CGNL1: variants seen among roughly 807,000 people sequenced by gnomAD.
CGNL1 encodes the protein cingulin-like protein 1.
CGNL1 carries 132 observed loss-of-function variants against 141.2 expected under a neutral mutation model. That is an observed-to-expected ratio of 0.93 (90% CI 0.81 to 1.08). CGNL1 has a LOEUF of 1.08. CGNL1 is among the 50% of genes least tolerant of loss of function. The probability of loss-of-function intolerance (pLI) is 0.00; values close to 1 mark genes in which losing one functional copy is unlikely to be tolerated. For missense variants in CGNL1, 1,870 were observed against 1,588.6 expected (o/e 1.18, Z -3.01); for synonymous variants, 690 against 622.1 (o/e 1.11, Z -1.63).
intron 1 of CGNL1, among the ~76,000 whole-genome samples, chr15:57,418,602 C>T (rs1004977325): frequency 6.6e-6 from 1 of 152,180 alleles, no homozygotes; most frequent in African/African-American, 2.4e-5. Context: ...AAACTGTCCA[C>T]AGCTCATAAA....
At chr15:57,515,180 G>A (rs1168075282) in intron 8 of CGNL1, among the ~76,000 whole-genome samples, 1 of 152,168 alleles carries the variant, frequency 6.6e-6, no homozygotes, top group African/African-American at 2.4e-5. Flanking sequence ...ATTAGGAGAC[G>A]ATATCCTGAT....
At chr15:57,490,416 GCACGCGTGCGTGTGCACT>G (rs1595759256) in intron 8 of CGNL1, among the ~76,000 whole-genome samples, 2 of 151,824 alleles carry the variant, frequency 1.3e-5, no homozygotes, top group Non-Finnish European at 2.9e-5. Flanking sequence ...ACACACGCAC[GCACGCGTGCGTGTGCACT>G]CACATTGATG....
At chr15:57,404,672 G>A (rs1354281892) in intron 1 of CGNL1, among the ~76,000 whole-genome samples, 1 of 152,156 alleles carries the variant, frequency 6.6e-6, no homozygotes, top group Non-Finnish European at 1.5e-5. Flanking sequence ...CAGCTTTAGA[G>A]CACCCTAAGA....
intron 8 of CGNL1, among the ~76,000 whole-genome samples, chr15:57,500,790 C>CTA (rs1247510711): frequency 6.6e-6 from 1 of 152,126 alleles, no homozygotes; most frequent in African/African-American, 2.4e-5. Flanking sequence ...AGACAGCATC[C>CTA]TATGAATGAA....
chr15:57,389,917 G>A (rs1408277850), intron 1 of CGNL1, among the ~76,000 whole-genome samples: 1 of 151,894 alleles, frequency 6.6e-6, no homozygotes, highest in African/African-American at 2.4e-5. Flanking sequence ...CTGGGTCCAA[G>A]CGATTCTTCT....
chr15:57,525,357 G>T lies in CGNL1; in HGVS notation c.3039+606G>T, dbSNP rs192166762. On this transcript the variant is annotated intron_variant, in intron 12 of 18. Transcript: ENST00000281282. Reference sequence around the variant, plus strand: ...TGAGAAAAAGAAAGGGGATGTTTTTGATTGTTTTAATGGAAAGCCGGAGGC... The same window carrying T: ...TGAGAAAAAGAAAGGGGATGTTTTTTATTGTTTTAATGGAAAGCCGGAGGC... 2.6e-5 allele frequency among the ~76,000 whole-genome samples: 4 copies of T among 152,348 alleles called. No homozygotes were observed. In the East Asian group the frequency reaches 7.7e-4, roughly 29 times the overall value.
chr15:57,382,961 A>G (rs1416784504), intron 1 of CGNL1, among the ~76,000 whole-genome samples: 2 of 152,224 alleles, frequency 1.3e-5, no homozygotes, highest in Admixed American at 6.5e-5. Context: ...CTTATGAACT[A>G]ATATATATCC....
At chr15:57,504,547 C>T (rs2064073832) in intron 8 of CGNL1, among the ~76,000 whole-genome samples, 1 of 152,220 alleles carries the variant, frequency 6.6e-6, no homozygotes, top group South Asian at 2.1e-4. Flanking sequence ...TAAACAGCCT[C>T]CAAAGCTCTG....
At chr15:57,519,572 G>A (rs2031100099) in intron 10 of CGNL1, among the ~76,000 whole-genome samples, 1 of 152,130 alleles carries the variant, frequency 6.6e-6, no homozygotes, top group Non-Finnish European at 1.5e-5. Context: ...TTTTTCCTGA[G>A]TTCAATGTCT....
chr15:57,524,465 T>G, intron 11 of CGNL1, 116 bp from the exon 12 acceptor site: 4 of 979,860 alleles, frequency 4.1e-6, no homozygotes, highest in East Asian at 2.5e-5. Context: ...TGGGCCATCT[T>G]TGAGGGGGCC....
chr15:57,521,544 G>A (rs183344535), intron 10 of CGNL1, among the ~76,000 whole-genome samples: 35 of 152,228 alleles, frequency 2.3e-4, no homozygotes, highest in African/African-American at 7.0e-4. Flanking sequence ...TTGCCTTTAC[G>A]GAGCTTACTA....
chr15:57,431,510 C>T (rs1436583880), intron 1 of CGNL1, among the ~76,000 whole-genome samples: 1 of 152,210 alleles, frequency 6.6e-6, no homozygotes, highest in Non-Finnish European at 1.5e-5. Context: ...ACACCCTGAT[C>T]TTTCAATTTC....
chr15:57,439,135 A>G lies in CGNL1; in HGVS notation c.1136A>G (p.Asn379Ser), dbSNP rs201672723. Residue 379 changes from asparagine to serine, a missense_variant, in exon 2 of 19, where the codon AAT becomes AGT. Physicochemically the swap from Asn to Ser is conservative, Grantham distance 46. Coordinates refer to ENST00000281282, the MANE Select transcript of CGNL1 (RefSeq NM_032866.5). ...RGRSGKRNRI[N>S]TDDRKRSRSV... ...AGGTCTGGGAAGCGAAACAGAATTAATACAGATGACAGGAAAAGATCCAGA... is the reference window on the plus strand; with the variant it reads ...AGGTCTGGGAAGCGAAACAGAATTAGTACAGATGACAGGAAAAGATCCAGA... 1 of 1,614,182 alleles carries G rather than the reference A, an allele frequency of 6.2e-7. No individual in the cohort carries two copies. The highest frequency in any genetic ancestry group is 2.2e-5 in the East Asian group (1 of 44,868).
At position 57,528,674 on chromosome 15, in the gene CGNL1, G is replaced by A; in HGVS notation, c.3060G>A (p.Glu1020=). 1.9e-6 allele frequency: 3 copies of A among 1,614,138 alleles called. No homozygotes were observed. Among genetic ancestry groups the A allele is most frequent in the Non-Finnish European group, 1.7e-6 (2 of 1,180,008 alleles). Residue 1020 remains glutamate, a synonymous_variant, in exon 13 of 19, where the codon GAG becomes GAA. Transcript: ENST00000281282. The part of the protein sequence containing the change: ...MQDEMRLMEE[E]LRDYQRAQDE... ...CCTAGATGCGTCTGATGGAGGAAGA[G>A]TTACGGGACTACCAGAGAGCTCAGG... is the stretch of plus-strand genomic sequence containing the variant.
chr15:57,428,964 A>G (rs1448869175), intron 1 of CGNL1, among the ~76,000 whole-genome samples: 2 of 152,070 alleles, frequency 1.3e-5, no homozygotes, highest in Admixed American at 1.3e-4. Context: ...CAGAGGTTGC[A>G]GTGAGCCGAG....
chr15:57,405,617 G>A (rs1228434209), intron 1 of CGNL1, among the ~76,000 whole-genome samples: 1 of 152,158 alleles, frequency 6.6e-6, no homozygotes, highest in Non-Finnish European at 1.5e-5. Flanking sequence ...ATCCTGAGAA[G>A]GCAGTTCATT....
At chr15:57,488,910 C>A (rs2063821111) in intron 8 of CGNL1, among the ~76,000 whole-genome samples, 1 of 152,168 alleles carries the variant, frequency 6.6e-6, no homozygotes, top group Admixed American at 6.5e-5. Flanking sequence ...TACCATGTTG[C>A]TGCTTTACCC....
At chr15:57,502,044 AG>A (rs2064032385) in intron 8 of CGNL1, among the ~76,000 whole-genome samples, 1 of 152,214 alleles carries the variant, frequency 6.6e-6, no homozygotes, top group African/African-American at 2.4e-5. Context: ...GTTGGTAATC[AG>A]GATGCTGATA....
chr15:57,494,505 T>A (rs866540468), intron 8 of CGNL1, among the ~76,000 whole-genome samples: 2 of 152,292 alleles, frequency 1.3e-5, no homozygotes, highest in African/African-American at 4.8e-5. Context: ...CAACTTATAA[T>A]AAACTACTCA....
Sources: allele counts gnomAD v4.1 joint callset (sites outside exome capture counted in the v4.1 genomes callset), GRCh38; gene constraint gnomAD v4.1.1; transcripts MANE v1.5; gene names NCBI Gene and HGNC (gene_info 2026-07-23, HGNC 2026-07-21).